PTBP2: variants seen among roughly 807,000 people sequenced by gnomAD.
PTBP2 encodes the protein polypyrimidine tract-binding protein 2.
In PTBP2, 13 loss-of-function variants were observed where a neutral mutation model predicts 61.4. That is an observed-to-expected ratio of 0.21 (90% CI 0.14 to 0.34). The LOEUF (loss-of-function observed/expected upper bound fraction) is 0.34. PTBP2 is among the 10% of genes least tolerant of loss of function. The pLI, the probability that PTBP2 is intolerant of heterozygous loss-of-function variation, is 1.00. For synonymous variants in PTBP2, 215 were observed against 218.5 expected (o/e 0.98, Z 0.14); for missense variants, 405 against 642.6 (o/e 0.63, Z 4.00).
At chr1:96,732,618 CT>C (rs1379470057) in intron 2 of PTBP2, among the ~76,000 whole-genome samples, 1 of 152,116 alleles carries the variant, frequency 6.6e-6, no homozygotes, top group Non-Finnish European at 1.5e-5. Context: ...TCTTTTAGGA[CT>C]TTAGTTAGAG....
At chr1:96,774,621 C>CT (rs2101030901) in intron 5 of PTBP2, among the ~76,000 whole-genome samples, 1 of 152,336 alleles carries the variant, frequency 6.6e-6, no homozygotes, top group South Asian at 2.1e-4. Context: ...TTTTCTCCAT[C>CT]TTTCCTGCTA....
intron 7 of PTBP2, among the ~76,000 whole-genome samples, chr1:96,782,063 T>TAA (rs1460860131): frequency 6.6e-6 from 1 of 152,028 alleles, no homozygotes; most frequent in Non-Finnish European, 1.5e-5. Flanking sequence ...ACCTGGGATT[T>TAA]AAAAATTGTT....
At chr1:96,751,206 T>C (rs1029440644) in intron 2 of PTBP2, 6 of 612,346 alleles carry the variant, frequency 9.8e-6, no homozygotes, top group Non-Finnish European at 1.2e-5. Flanking sequence ...TATTGTCTTT[T>C]GGGCTTAGAG....
chr1:96,726,227 T>G (rs1293219468), intron 2 of PTBP2, among the ~76,000 whole-genome samples: 1 of 151,734 alleles, frequency 6.6e-6, no homozygotes, highest in Non-Finnish European at 1.5e-5. Flanking sequence ...TATAAACATC[T>G]TTATTTACGT....
intron 8 of PTBP2, among the ~76,000 whole-genome samples, chr1:96,799,137 A>C (rs143451831): frequency 2.5e-4 from 38 of 152,244 alleles, no homozygotes; most frequent in Non-Finnish European, 5.3e-4. Context: ...ATTTTAGGAG[A>C]TTACTGAGTC....
intron 3 of PTBP2, among the ~76,000 whole-genome samples, chr1:96,752,033 C>T (rs972445870): frequency 2.6e-5 from 4 of 152,000 alleles, no homozygotes; most frequent in Non-Finnish European, 4.4e-5. Context: ...TTGTTTTAAT[C>T]TTCAAAGTTA....
downstream of PTBP2, chr1:96,817,650 GAAAGA>G (rs1571059633): frequency 1.3e-5 from 2 of 152,114 alleles, no homozygotes; most frequent in East Asian, 3.9e-4. Context: ...TATATTAGTT[GAAAGA>G]AAACGTTACA....
At chr1:96,757,589 G>T (rs1430316090) in intron 3 of PTBP2, among the ~76,000 whole-genome samples, 1 of 152,126 alleles carries the variant, frequency 6.6e-6, no homozygotes, top group Non-Finnish European at 1.5e-5. Context: ...GTGCTATCAT[G>T]TTGGCTTAAC....
At chr1:96,757,720 G>C (rs1453877218) in intron 3 of PTBP2, among the ~76,000 whole-genome samples, 1 of 152,028 alleles carries the variant, frequency 6.6e-6, no homozygotes, top group African/African-American at 2.4e-5. Flanking sequence ...ATGATTGACA[G>C]CTAATGTATC....
downstream of PTBP2, chr1:96,820,020 A>G (rs924576890): frequency 6.6e-6 from 1 of 152,016 alleles, no homozygotes; most frequent in Admixed American, 6.6e-5. Context: ...TGTAATATAT[A>G]TATAATAGCT....
At chr1:96,808,374 G>A (rs914994494) in intron 11 of PTBP2, among the ~76,000 whole-genome samples, 4 of 152,096 alleles carry the variant, frequency 2.6e-5, no homozygotes, top group Admixed American at 6.6e-5. Context: ...TTGGCTTGCA[G>A]CCAACCATCT....
Position 96,769,692 on chromosome 1 carries a change from A to T in PTBP2, c.116-11A>T. 6.5e-7 allele frequency: 1 copy of T among 1,536,072 alleles called. No homozygotes were observed. The highest frequency in any genetic ancestry group is 2.1e-5 in the Admixed American group (1 of 48,698). On this transcript the variant is annotated splice_polypyrimidine_tract_variant and intron_variant, in intron 3 of 13. Transcript: ENST00000674951. ...GTTGATATATAAGGACTGTTTTTTAATGTCTTTCAGCCAATGGTAATGATA... is the reference window on the plus strand; with the variant it reads ...GTTGATATATAAGGACTGTTTTTTATTGTCTTTCAGCCAATGGTAATGATA...
At chr1:96,761,685 C>A (rs887917007) in intron 3 of PTBP2, among the ~76,000 whole-genome samples, 3 of 151,292 alleles carry the variant, frequency 2.0e-5, no homozygotes, top group Non-Finnish European at 4.4e-5. Flanking sequence ...AAAGGAGACT[C>A]GTTTTTGGTG....
At chr1:96,784,328 C>T (rs1430727931) in intron 7 of PTBP2, among the ~76,000 whole-genome samples, 4 of 152,026 alleles carry the variant, frequency 2.6e-5, no homozygotes, top group African/African-American at 4.8e-5. Context: ...CAGCCATTGT[C>T]ATCATTCCTG....
In PTBP2 at chr1:96,814,451, T is replaced by C. The variant is rs1662354195; in HGVS notation, c.*1046T>C. ...GACAACCAGGTGGGACCAAAGTTTATGTGCCTTTAGTCTTAATTTACCTTG... is the reference window on the plus strand; with the variant it reads ...GACAACCAGGTGGGACCAAAGTTTACGTGCCTTTAGTCTTAATTTACCTTG... On this transcript the variant is annotated 3_prime_UTR_variant, in exon 14 of 14. Coordinates refer to ENST00000674951, the MANE Select transcript of PTBP2 (RefSeq NM_021190.4). The C allele has an allele frequency of 6.6e-6, 1 of 152,596 alleles. No individual in the cohort carries two copies. The highest frequency in any genetic ancestry group is 1.5e-5 in the Non-Finnish European group (1 of 67,984). The allele number at this position is 152,596 out of a possible 1,614,324, so 9.5% of individuals were successfully genotyped here. A position where few individuals can be genotyped will look rare whatever the true frequency, so the allele number is the denominator to read the frequency against.
chr1:96,777,325 T>G (rs560425532), intron 5 of PTBP2, among the ~76,000 whole-genome samples: 1 of 152,316 alleles, frequency 6.6e-6, no homozygotes, highest in South Asian at 2.1e-4. Context: ...GAGAATAAAT[T>G]ACATATCATA....
chr1:96,732,871 T>A (rs900757888), intron 2 of PTBP2, among the ~76,000 whole-genome samples: 1 of 152,154 alleles, frequency 6.6e-6, no homozygotes, highest in African/African-American at 2.4e-5. Context: ...AGCTTGTATA[T>A]GGATATGAGA....
At chr1:96,776,209 G>A (rs973766850) in intron 5 of PTBP2, among the ~76,000 whole-genome samples, 14 of 151,836 alleles carry the variant, frequency 9.2e-5, no homozygotes, top group African/African-American at 3.4e-4. Flanking sequence ...AATACAGTAA[G>A]AACATGTTCA....
At chr1:96,729,823 A>G (rs1651150160) in intron 2 of PTBP2, among the ~76,000 whole-genome samples, 1 of 141,540 alleles carries the variant, frequency 7.1e-6, no homozygotes. Context: ...TGCAACCTCC[A>G]CGTCCCGGGT....
Sources: gnomAD v4.1 joint callset for allele counts (sites outside exome capture counted in the v4.1 genomes callset) on GRCh38, gnomAD v4.1.1 for gene constraint, MANE v1.5 for transcripts, NCBI Gene and HGNC (gene_info 2026-07-23, HGNC 2026-07-21) for gene names.